The following PID1 variants were observed in gnomAD, a reference collection of about 807,000 sequenced individuals.
The protein encoded by PID1 is PTB-containing, cubilin and LRP1-interacting protein.
In PID1, 10 loss-of-function variants were observed where a neutral mutation model predicts 19.1. The observed-to-expected ratio is 0.52, with a 90% CI of 0.32 to 0.89. The LOEUF (loss-of-function observed/expected upper bound fraction) is 0.89. Ranked by LOEUF, PID1 falls within the 40% of genes least tolerant of loss-of-function variation. The probability of loss-of-function intolerance (pLI) is 0.03; values close to 1 mark genes in which losing one functional copy is unlikely to be tolerated. For synonymous variants in PID1, 130 were observed against 116.0 expected, an observed-to-expected ratio of 1.12 and a Z score of -0.78; for missense variants, 248 against 285.3, an observed-to-expected ratio of 0.87 and a Z score of 0.94.
intron 1 of PID1, among the ~76,000 whole-genome samples, chr2:229,251,809 A>G (rs967053344): frequency 6.6e-6 from 1 of 152,176 alleles, no homozygotes; most frequent in Non-Finnish European, 1.5e-5. Context: ...AGTGCATTTT[A>G]CAAGAAATCA....
chr2:229,239,478 G>A (rs143712339), intron 1 of PID1, among the ~76,000 whole-genome samples: 201 of 152,174 alleles, frequency 1.3e-3, no homozygotes, highest in African/African-American at 4.6e-3. Context: ...ACACTAATGC[G>A]GTGGGAGCCT....
chr2:229,141,643 G>T (rs559857073), intron 2 of PID1, among the ~76,000 whole-genome samples: 3 of 58,230 alleles, frequency 5.2e-5, no homozygotes, highest in East Asian at 7.0e-4. Context: ...CAATCAATGT[G>T]GGGGGGGAAC....
chr2:229,237,986 G>A (rs1689761670), intron 1 of PID1, among the ~76,000 whole-genome samples: 1 of 152,080 alleles, frequency 6.6e-6, no homozygotes, highest in Non-Finnish European at 1.5e-5. Flanking sequence ...AGAAAAAGTG[G>A]AGCTAGTATC....
intron 2 of PID1, among the ~76,000 whole-genome samples, chr2:229,106,549 TAAATGGGATTAGTGC>T (rs1156812169): frequency 6.6e-6 from 1 of 152,186 alleles, no homozygotes; most frequent in African/African-American, 2.4e-5. Flanking sequence ...GGGACCCTTA[TAAATGGGATTAGTGC>T]CCTCACAAAA....
At chr2:229,201,206 A>G (rs1237420075) in intron 1 of PID1, among the ~76,000 whole-genome samples, 1 of 152,050 alleles carries the variant, frequency 6.6e-6, no homozygotes, top group East Asian at 1.9e-4. Flanking sequence ...TTGTGTAACT[A>G]TTACCACCAA....
chr2:229,028,669 T>A (rs1362294502), intron 2 of PID1, among the ~76,000 whole-genome samples: 1 of 152,162 alleles, frequency 6.6e-6, no homozygotes, highest in Admixed American at 6.5e-5. Context: ...ACACCATGTA[T>A]AAATACTACG....
At chr2:229,034,203 A>G (rs367694758) in intron 2 of PID1, among the ~76,000 whole-genome samples, 24 of 152,230 alleles carry the variant, frequency 1.6e-4, no homozygotes, top group African/African-American at 5.8e-4. Context: ...GAGGTCTAGA[A>G]GAATGCAGAG....
At chr2:229,084,177 C>A (rs775084505) in intron 2 of PID1, among the ~76,000 whole-genome samples, 3 of 152,168 alleles carry the variant, frequency 2.0e-5, no homozygotes, top group Non-Finnish European at 4.4e-5. Context: ...GGTACTCTGG[C>A]TTTCCTGGTC....
intron 2 of PID1, among the ~76,000 whole-genome samples, chr2:229,034,047 C>T (rs1693610069): frequency 6.6e-6 from 1 of 152,172 alleles, no homozygotes; most frequent in African/African-American, 2.4e-5. Flanking sequence ...TGCCAATTTC[C>T]CAACAATCTA....
At chr2:229,076,467 A>G (rs1280046794) in intron 2 of PID1, among the ~76,000 whole-genome samples, 3 of 152,026 alleles carry the variant, frequency 2.0e-5, no homozygotes, top group African/African-American at 4.8e-5. Context: ...ACAGGTATAC[A>G]TGTGCCATGG....
intron 2 of PID1, among the ~76,000 whole-genome samples, chr2:229,133,927 T>C (rs1689800744): frequency 6.6e-6 from 1 of 151,528 alleles, no homozygotes; most frequent in Admixed American, 6.6e-5. Flanking sequence ...ATGCTATCCC[T>C]CCCACCTCCC....
intron 2 of PID1, among the ~76,000 whole-genome samples, chr2:229,030,253 T>G (rs2106164287): frequency 6.6e-6 from 1 of 152,146 alleles, no homozygotes; most frequent in South Asian, 2.1e-4. Flanking sequence ...GCCGGGGGAT[T>G]GGGGGAGGGA....
intron 2 of PID1, among the ~76,000 whole-genome samples, chr2:229,063,571 G>T (rs1013306934): frequency 1.3e-5 from 2 of 152,056 alleles, no homozygotes; most frequent in African/African-American, 4.8e-5. Context: ...ACTATTTCAT[G>T]TGTGCTAGAG....
chr2:229,232,083 C>A, intron 1 of PID1: 1 of 1,507,774 alleles, frequency 6.6e-7, no homozygotes, highest in Non-Finnish European at 8.9e-7. Context: ...CAAGGCTTTT[C>A]ATTCCATTCA....
chr2:229,171,154 A>T (rs967501577), intron 1 of PID1, among the ~76,000 whole-genome samples: 1 of 152,236 alleles, frequency 6.6e-6, no homozygotes, highest in Non-Finnish European at 1.5e-5. Context: ...ATTTATGTCC[A>T]TGCACATTTG....
chr2:229,138,985 A>ACG (rs1559250994), intron 2 of PID1, among the ~76,000 whole-genome samples: 6 of 47,918 alleles, frequency 1.3e-4, no homozygotes, highest in African/African-American at 4.7e-4. Flanking sequence ...AAATAGAAGA[A>ACG]AGAAAGAAAG....
chr2:229,255,427 T>C (rs1690267941), intron 1 of PID1, among the ~76,000 whole-genome samples: 1 of 152,240 alleles, frequency 6.6e-6, no homozygotes, highest in African/African-American at 2.4e-5. Context: ...TTGAGTGTTT[T>C]TTGGTGGGAA....
At chr2:229,247,341 C>A (rs1690029450) in intron 1 of PID1, among the ~76,000 whole-genome samples, 1 of 152,216 alleles carries the variant, frequency 6.6e-6, no homozygotes, top group African/African-American at 2.4e-5. Context: ...GCTCCTCTCA[C>A]ATGGCTTAAA....
chr2:229,139,027 GAA>G (rs778524265), intron 2 of PID1, among the ~76,000 whole-genome samples: 54 of 79,376 alleles, frequency 6.8e-4, no homozygotes, highest in East Asian at 1.9e-3. Flanking sequence ...AAGAAAGAAA[GAA>G]AGAAAGAAAG....
Sources: gnomAD v4.1 joint callset for allele counts (sites outside exome capture counted in the v4.1 genomes callset) on GRCh38, gnomAD v4.1.1 for gene constraint, MANE v1.5 for transcripts, NCBI Gene and HGNC (gene_info 2026-07-23, HGNC 2026-07-21) for gene names.